The following ZEB1 variants were observed in gnomAD, a reference collection of about 807,000 sequenced individuals.
ZEB1 encodes zinc finger E-box binding homeobox 1, also known as zinc finger E-box-binding homeobox 1.
A neutral mutation model predicts 84.9 loss-of-function variants in ZEB1; 21 were observed. The observed-to-expected ratio is 0.25, with a 90% CI of 0.18 to 0.36. The LOEUF (loss-of-function observed/expected upper bound fraction) is 0.36, where lower values mean the gene tolerates loss of function less well. Ranked by LOEUF, ZEB1 falls within the 10% of genes least tolerant of loss-of-function variation. The pLI, the probability that ZEB1 is intolerant of heterozygous loss-of-function variation, is 1.00. For missense variants in ZEB1, 1,104 were observed against 1,330.2 expected, an observed-to-expected ratio of 0.83 and a Z score of 2.65; for synonymous variants, 420 against 471.1, an observed-to-expected ratio of 0.89 and a Z score of 1.41.
intron 4 of ZEB1, among the ~76,000 whole-genome samples, chr10:31,506,824 G>C (rs144445901): frequency 1.3e-5 from 2 of 152,020 alleles, no homozygotes; most frequent in Non-Finnish European, 2.9e-5. Context: ...TGTATCATTT[G>C]TTCCTTTCTT....
chr10:31,446,171 C>A lies in ZEB1; in HGVS notation c.59-14866C>A, dbSNP rs539203419. On this transcript the variant is annotated intron_variant, in intron 1 of 8. Transcript: ENST00000424869. ...AGAGTGTATGTGTCGAGGAATGTAT[C>A]CATCTCTCCTAGATTTTCTAGTTTA... is the stretch of plus-strand genomic sequence containing the variant. 5.5e-4 allele frequency among the ~76,000 whole-genome samples: 84 copies of A among 152,274 alleles called. 3 individuals carry two copies. The South Asian group carries it at 0.017, about 31-fold the overall frequency.
chr10:31,408,230 C>T (rs2053526949), intron 1 of ZEB1, among the ~76,000 whole-genome samples: 1 of 150,286 alleles, frequency 6.7e-6, no homozygotes, highest in Admixed American at 6.6e-5. Context: ...AACCACTGGT[C>T]AAGGAAATAA....
At chr10:31,502,308 G>T in intron 3 of ZEB1, 40 bp from the exon 4 acceptor site, 22 of 1,603,122 alleles carry the variant, frequency 1.4e-5, no homozygotes, top group Non-Finnish European at 1.9e-5. Flanking sequence ...TAATAACTTA[G>T]TGGTGAGATT....
At chr10:31,333,324 A>G (rs2037215382) in intron 1 of ZEB1, among the ~76,000 whole-genome samples, 1 of 150,414 alleles carries the variant, frequency 6.6e-6, no homozygotes, top group Non-Finnish European at 1.5e-5. Context: ...TCATACTTCC[A>G]CCATTACATT....
At chr10:31,468,373 C>G (rs978370545) in intron 2 of ZEB1, among the ~76,000 whole-genome samples, 1 of 152,138 alleles carries the variant, frequency 6.6e-6, no homozygotes, top group Non-Finnish European at 1.5e-5. Flanking sequence ...ACCTACTGGC[C>G]AGGAGGTCAA....
At chr10:31,346,574 C>G (rs755570509) in intron 1 of ZEB1, among the ~76,000 whole-genome samples, 5 of 148,270 alleles carry the variant, frequency 3.4e-5, no homozygotes, top group Non-Finnish European at 6.0e-5. Context: ...TTTTTTTTTT[C>G]TTTTTGAGAT....
intron 1 of ZEB1, among the ~76,000 whole-genome samples, chr10:31,430,039 C>T (rs2057522554): frequency 6.6e-6 from 1 of 152,040 alleles, no homozygotes; most frequent in South Asian, 2.1e-4. Flanking sequence ...CCACGCCCAG[C>T]CATAGGCAGA....
At chr10:31,369,845 A>G (rs1564620466) in intron 1 of ZEB1, among the ~76,000 whole-genome samples, 1 of 152,216 alleles carries the variant, frequency 6.6e-6, no homozygotes, top group Non-Finnish European at 1.5e-5. Flanking sequence ...AAGAGTTATC[A>G]TTTCTCCACA....
chr10:31,389,530 T>C (rs925498028), intron 1 of ZEB1: 5 of 152,142 alleles, frequency 3.3e-5, no homozygotes, highest in South Asian at 2.1e-4. Flanking sequence ...ATGATCATGC[T>C]CTTTACCTAC....
chr10:31,389,241 T>C (rs2049183772), intron 1 of ZEB1, among the ~76,000 whole-genome samples: 1 of 152,164 alleles, frequency 6.6e-6, no homozygotes, highest in Non-Finnish European at 1.5e-5. Context: ...ACTGTTGTTC[T>C]ATGATTTTGA....
chr10:31,427,894 G>T (rs2057184208), intron 1 of ZEB1, among the ~76,000 whole-genome samples: 2 of 150,492 alleles, frequency 1.3e-5, no homozygotes, highest in Non-Finnish European at 3.0e-5. Context: ...TCTAATGGTT[G>T]ATTGTATTTC....
chr10:31,378,182 G>A (rs1242782281), intron 1 of ZEB1, among the ~76,000 whole-genome samples: 1 of 151,434 alleles, frequency 6.6e-6, no homozygotes, highest in Admixed American at 6.6e-5. Flanking sequence ...TAAAAAGGCG[G>A]GAGAGTATTT....
chr10:31,349,290 G>C (rs1314640621), intron 1 of ZEB1, among the ~76,000 whole-genome samples: 1 of 152,158 alleles, frequency 6.6e-6, no homozygotes, highest in Non-Finnish European at 1.5e-5. Context: ...TGTTGTGTGC[G>C]TATACTACAT....
At chr10:31,447,744 C>T (rs1056229434) in intron 1 of ZEB1, among the ~76,000 whole-genome samples, 9 of 151,926 alleles carry the variant, frequency 5.9e-5, no homozygotes, top group Non-Finnish European at 1.2e-4. Context: ...ATATTGGCCC[C>T]CACTCTTCTG....
At chr10:31,357,024 A>C (rs2042232400) in intron 1 of ZEB1, among the ~76,000 whole-genome samples, 1 of 152,188 alleles carries the variant, frequency 6.6e-6, no homozygotes, top group Non-Finnish European at 1.5e-5. Flanking sequence ...TTTGGCCCAT[A>C]GGCTGTTGTT....
chr10:31,510,637 G>A (rs2069814967), intron 4 of ZEB1, 36 bp from the exon 5 acceptor site: 15 of 1,566,944 alleles, frequency 9.6e-6, no homozygotes, highest in Admixed American at 1.7e-5. Flanking sequence ...TTTTCTGAAT[G>A]TTTTAAATTT....
intron 1 of ZEB1, among the ~76,000 whole-genome samples, chr10:31,373,795 C>T (rs117659165): frequency 0.034 from 5,120 of 151,718 alleles, 113 homozygotes; most frequent in South Asian, 0.066. Context: ...CATAATATGG[C>T]GCAGAATCAA....
intron 1 of ZEB1, among the ~76,000 whole-genome samples, chr10:31,434,360 A>G (rs988865993): frequency 6.6e-6 from 1 of 152,340 alleles, no homozygotes; most frequent in South Asian, 2.1e-4. Flanking sequence ...CCAGCTCACA[A>G]TTTTTATATA....
chr10:31,453,634 C>T (rs925884939), intron 1 of ZEB1, among the ~76,000 whole-genome samples: 2 of 151,802 alleles, frequency 1.3e-5, no homozygotes, highest in African/African-American at 2.4e-5. Flanking sequence ...TTATTGACCT[C>T]GCAAATAAAC....
Sources: gnomAD v4.1 joint callset for allele counts (sites outside exome capture counted in the v4.1 genomes callset) on GRCh38, gnomAD v4.1.1 for gene constraint, MANE v1.5 for transcripts, NCBI Gene and HGNC (gene_info 2026-07-23, HGNC 2026-07-21) for gene names.